Variants in SLC35F5 observed in about 807,000 individuals in gnomAD.
SLC35F5 encodes the protein HCV NS5A-transactivated protein 3.
In SLC35F5, 54 loss-of-function variants were observed where a neutral mutation model predicts 68.6. That is an observed-to-expected ratio of 0.79 (90% CI 0.63 to 0.99). SLC35F5 has a LOEUF of 0.99. SLC35F5 is among the 50% of genes least tolerant of loss of function. The probability of loss-of-function intolerance (pLI) is 0.00; values close to 1 mark genes in which losing one functional copy is unlikely to be tolerated. For missense variants in SLC35F5, 567 were observed against 626.9 expected (o/e 0.90, Z 1.02); for synonymous variants, 211 against 205.2 (o/e 1.03, Z -0.24).
intron 3 of SLC35F5, among the ~76,000 whole-genome samples, chr2:113,753,385 C>T (rs574377215): frequency 4.9e-4 from 75 of 152,030 alleles, no homozygotes; most frequent in African/African-American, 1.7e-3. Context: ...CCATGTTGGC[C>T]AGGCTGGTCT....
chr2:113,745,131 T>A lies in SLC35F5; in HGVS notation c.480+1146A>T, dbSNP rs118115613. Among the ~76,000 whole-genome samples the A allele has an allele frequency of 2.0e-5, 3 of 152,304 alleles. No homozygotes were observed. The East Asian group carries it at 5.8e-4, about 29-fold the overall frequency. On this transcript the variant is annotated intron_variant, in intron 5 of 15. Transcript: ENST00000245680. ...TTACGGCATCTGGCCTAGAGCAATT[T>A]GACATATCCATCTTACAGATAATAG...
chr2:113,744,596 C>A (rs995534590), intron 5 of SLC35F5, among the ~76,000 whole-genome samples: 1 of 151,926 alleles, frequency 6.6e-6, no homozygotes, highest in African/African-American at 2.4e-5. Context: ...TACTAAAATA[C>A]AAAAATTAGC....
At chr2:113,739,632 T>C (rs1454554451) in intron 7 of SLC35F5, among the ~76,000 whole-genome samples, 2 of 152,222 alleles carry the variant, frequency 1.3e-5, no homozygotes, top group African/African-American at 2.4e-5. Context: ...TCTGTTTGCT[T>C]GTTTTAAATG....
intron 10 of SLC35F5, 146 bp from the exon 11 acceptor site, chr2:113,729,651 A>G: frequency 1.7e-6 from 1 of 585,098 alleles, no homozygotes; most frequent in Non-Finnish European, 3.0e-6. Context: ...TATTGATATA[A>G]AGATATATAA....
chr2:113,719,891 A>G (rs1687358333), intron 13 of SLC35F5, among the ~76,000 whole-genome samples: 1 of 152,112 alleles, frequency 6.6e-6, no homozygotes, highest in Non-Finnish European at 1.5e-5. Context: ...AAAAAAATAT[A>G]GAAATATTTT....
intron 13 of SLC35F5, among the ~76,000 whole-genome samples, chr2:113,722,740 G>T (rs1453877659): frequency 6.6e-6 from 1 of 152,178 alleles, no homozygotes; most frequent in Middle Eastern, 3.2e-3. Flanking sequence ...TTCCTGTGCT[G>T]CTCATTCAGC....
chr2:113,736,990 C>T (rs1376522636), intron 7 of SLC35F5, among the ~76,000 whole-genome samples: 2 of 152,104 alleles, frequency 1.3e-5, no homozygotes, highest in South Asian at 2.1e-4. Context: ...AATTCTAGTA[C>T]ACACCTGCCA....
At position 113,725,539 on chromosome 2, in the gene SLC35F5, T is replaced by C; in HGVS notation, c.1091-2A>G. 6.4e-7 allele frequency: 1 copy of C among 1,572,676 alleles called. No homozygotes were observed. Among genetic ancestry groups the C allele is most frequent in the Non-Finnish European group, 8.6e-7 (1 of 1,168,736 alleles). On this transcript the variant is annotated splice_acceptor_variant, in intron 11 of 15. Transcript: ENST00000245680. LOFTEE classifies it high-confidence loss of function. ...GCAGATTAAACAAACCTACAAAACC[T>C]GAACATGTATAAAAGAGACAAGAGT...
In SLC35F5 at chr2:113,743,814, A is replaced by C; in HGVS notation, c.481-20T>G. The C allele has an allele frequency of 2.6e-6, 4 of 1,563,808 alleles. No homozygotes were observed. The highest frequency in any genetic ancestry group is 3.5e-6 in the Non-Finnish European group (4 of 1,147,198). On this transcript the variant is annotated intron_variant, in intron 5 of 15. Coordinates refer to ENST00000245680, the MANE Select transcript of SLC35F5 (RefSeq NM_025181.5). The stretch of plus-strand genomic sequence containing the variant: ...TTCACTCTGGAATGTAACAGAAAAA[A>C]ATATAAACAACAAATATAAAAGCTA...
intron 8 of SLC35F5, among the ~76,000 whole-genome samples, chr2:113,734,998 A>G (rs1688031674): frequency 6.6e-6 from 1 of 152,190 alleles, no homozygotes; most frequent in Admixed American, 6.6e-5. Context: ...GTGTCCCTAA[A>G]GTTATTTTTA....
At position 113,755,526 on chromosome 2, in the gene SLC35F5, G is replaced by A. The variant is rs781451090; in HGVS notation, c.59C>T (p.Pro20Leu). ...AGRPGVLSSS[P>L]PFRLRSAKFS... The stretch of plus-strand genomic sequence containing the variant: ...CTTGGCAGATCTCAGTCTAAAAGGA[G>A]GTGAAGAACTCAGCACCCCTAAAAA... Residue 20 changes from proline to leucine, a missense_variant, in exon 2 of 16, where the codon CCT (proline) becomes CTT (leucine). Pro to Leu is a moderately conservative substitution (Grantham distance 98). Transcript: ENST00000245680. 2 of 1,613,854 alleles carry A rather than the reference G, an allele frequency of 1.2e-6. No homozygotes were observed. The highest frequency in any genetic ancestry group is 3.3e-5 in the Admixed American group (2 of 59,968).
At chr2:113,704,549 C>T (rs1463830007), downstream of SLC35F5, among the ~76,000 whole-genome samples, 3 of 152,110 alleles carry the variant, frequency 2.0e-5, no homozygotes, top group South Asian at 2.1e-4. Flanking sequence ...AGCCCTGCCC[C>T]GCGGGGAGGC....
At position 113,713,359 on chromosome 2, in the gene SLC35F5, A is replaced by T. The variant is rs1687060359; in HGVS notation, c.*1859T>A. On this transcript the variant is annotated 3_prime_UTR_variant, in exon 16 of 16. Coordinates refer to ENST00000245680, the MANE Select transcript of SLC35F5 (RefSeq NM_025181.5). The stretch of plus-strand genomic sequence containing the variant: ...GACCTGTGTGATGATAAGAGCACAG[A>T]ACACATGAACAACCAAAAGATTCTA... 1 of 152,216 alleles carries T rather than the reference A, an allele frequency of 6.6e-6. No individual in the cohort carries two copies. Among genetic ancestry groups the T allele is most frequent in the African/African-American group, 2.4e-5 (1 of 41,458 alleles). 9.4% of individuals were successfully genotyped at this position (152,216 alleles called of 1,614,324 possible). A position where few individuals can be genotyped will look rare whatever the true frequency, so the allele number is the denominator to read the frequency against.
At chr2:113,704,450 G>A (rs1011246580), downstream of SLC35F5, among the ~76,000 whole-genome samples, 8 of 152,210 alleles carry the variant, frequency 5.3e-5, no homozygotes, top group Non-Finnish European at 8.8e-5. Flanking sequence ...GTAGTTGATG[G>A]GACTGGGCAC....
chr2:113,749,244 G>A (rs772906327), intron 4 of SLC35F5, among the ~76,000 whole-genome samples: 6 of 152,186 alleles, frequency 3.9e-5, no homozygotes, highest in Admixed American at 1.3e-4. Flanking sequence ...GCTCAGGTCT[G>A]TAACCCCAGC....
chr2:113,717,753 C>T lies in SLC35F5; in HGVS notation c.*22G>A. 6.3e-7 allele frequency: 1 copy of T among 1,593,076 alleles called. No homozygotes were observed. The highest frequency in any genetic ancestry group is 2.2e-5 in the East Asian group (1 of 44,734). Reference sequence around the variant, plus strand: ...TACTAAACCCAGCTCACATACAAACCTGGGCTACAGACAACAGACAGCTAA... The same window carrying T: ...TACTAAACCCAGCTCACATACAAACTTGGGCTACAGACAACAGACAGCTAA... On this transcript the variant is annotated splice_region_variant and 3_prime_UTR_variant, in exon 15 of 16. Coordinates refer to ENST00000245680, the MANE Select transcript of SLC35F5 (RefSeq NM_025181.5).
At chr2:113,736,841 T>A (rs1688116172) in intron 7 of SLC35F5, among the ~76,000 whole-genome samples, 1 of 152,208 alleles carries the variant, frequency 6.6e-6, no homozygotes, top group Admixed American at 6.5e-5. Flanking sequence ...GGATGGAGAA[T>A]AAGAAATAAT....
downstream of SLC35F5, among the ~76,000 whole-genome samples, chr2:113,704,511 GC>G (rs565839497): frequency 3.3e-3 from 503 of 152,326 alleles, 1 homozygote; most frequent in Non-Finnish European, 5.5e-3. Flanking sequence ...AGCTGGGAAG[GC>G]TCAGGCATGG....
intron 5 of SLC35F5, 102 bp downstream of exon 5, chr2:113,746,175 T>C (rs1452044745): frequency 2.3e-6 from 2 of 853,106 alleles, no homozygotes; most frequent in African/African-American, 1.7e-5. Context: ...TTGAGCCATA[T>C]CTATGTTGTA....
Sources: allele counts gnomAD v4.1 joint callset (sites outside exome capture counted in the v4.1 genomes callset), GRCh38; gene constraint gnomAD v4.1.1; transcripts MANE v1.5; gene names NCBI Gene and HGNC (gene_info 2026-07-23, HGNC 2026-07-21).